Variants in TCTN1 observed in about 807,000 individuals in gnomAD.
TCTN1 encodes the protein tectonic family member 1.
In TCTN1, 58 loss-of-function variants were observed where a neutral mutation model predicts 65.8. The ratio of observed to expected loss-of-function variants is 0.88; its 90% CI spans 0.71 to 1.10. The LOEUF is 1.10. Among genes scored for constraint, TCTN1 ranks in the 50% least tolerant of loss-of-function variants. The probability of loss-of-function intolerance (pLI) is 0.00; values close to 1 mark genes in which losing one functional copy is unlikely to be tolerated. For missense variants in TCTN1, 645 were observed against 719.4 expected, an observed-to-expected ratio of 0.90 and a Z score of 1.18; for synonymous variants, 273 against 289.1, an observed-to-expected ratio of 0.94 and a Z score of 0.57.
chr12:110,642,212 C>G, intron 10 of TCTN1, 37 bp from the exon 11 acceptor site: 2 of 1,613,790 alleles, frequency 1.2e-6, no homozygotes, highest in East Asian at 2.2e-5. Flanking sequence ...CCAGGCTGCT[C>G]TAGCACTAGG....
At chr12:110,624,586 T>C (rs961754828) in intron 2 of TCTN1, among the ~76,000 whole-genome samples, 23 of 148,984 alleles carry the variant, frequency 1.5e-4, no homozygotes, top group Admixed American at 2.7e-4. Context: ...ATAACTTCTT[T>C]TTTTTTTTTT....
chr12:110,614,460 C>A, intron 1 of TCTN1, 58 bp downstream of exon 1: 1 of 1,555,472 alleles, frequency 6.4e-7, no homozygotes, highest in East Asian at 2.4e-5. Context: ...AGGGGACAGC[C>A]CCGGTGAGGA....
intron 1 of TCTN1, among the ~76,000 whole-genome samples, chr12:110,617,645 CTT>C (rs796301279): frequency 4.2e-5 from 6 of 142,420 alleles, no homozygotes; most frequent in Admixed American, 1.4e-4. Flanking sequence ...CTTTTTCTTT[CTT>C]TTTTTTTTTT....
intron 1 of TCTN1, among the ~76,000 whole-genome samples, chr12:110,618,136 G>A (rs2065174970): frequency 6.8e-6 from 1 of 146,916 alleles, no homozygotes. Flanking sequence ...GCAGTGGTGT[G>A]ATCTCAGTTT....
chr12:110,621,305 G>A (rs2065412888), intron 2 of TCTN1, among the ~76,000 whole-genome samples: 1 of 152,062 alleles, frequency 6.6e-6, no homozygotes, highest in Non-Finnish European at 1.5e-5. Context: ...GGGATTTTGA[G>A]CCTATTTCTA....
In TCTN1 at chr12:110,646,978, A is replaced by G. The variant is rs939360461; in HGVS notation, c.1495-218A>G. The stretch of plus-strand genomic sequence containing the variant: ...TGTCGGCATTTTTAGAAATAGGAGG[A>G]GATGGAAAAATTACGCTTCAGCTGT... On this transcript the variant is annotated intron_variant, in intron 12 of 14. Transcript: ENST00000397659. 25 of 564,900 alleles carry G rather than the reference A, an allele frequency of 4.4e-5. No individual in the cohort carries two copies. In the African/African-American group the frequency reaches 4.7e-4, roughly 11 times the overall value. The allele number at this position is 564,900 out of a possible 1,614,324, so 35.0% of individuals were successfully genotyped here.
intron 2 of TCTN1, among the ~76,000 whole-genome samples, chr12:110,624,941 G>C (rs966240450): frequency 6.7e-6 from 1 of 149,924 alleles, no homozygotes; most frequent in Non-Finnish European, 1.5e-5. Context: ...TGATCCACCC[G>C]CCTCGGCCTC....
intron 5 of TCTN1, 170 bp downstream of exon 5, chr12:110,632,729 TAA>T: frequency 1.5e-6 from 1 of 670,040 alleles, no homozygotes; most frequent in Admixed American, 2.2e-5. Flanking sequence ...GCCTCGTAAC[TAA>T]AAACAGAATC....
intron 13 of TCTN1, 146 bp from the exon 14 acceptor site, chr12:110,647,603 C>T: frequency 7.8e-7 from 1 of 1,280,858 alleles, no homozygotes; most frequent in Non-Finnish European, 1.1e-6. Context: ...TTCTCTCATC[C>T]AAGTTAATGG....
intron 9 of TCTN1, 137 bp from the exon 10 acceptor site, chr12:110,641,405 A>G: frequency 2.1e-6 from 2 of 946,292 alleles, no homozygotes; most frequent in Non-Finnish European, 3.3e-6. Context: ...AGATGTATTT[A>G]TAGTTCTGAG....
Position 110,649,294 on chromosome 12 carries a change from G to T in TCTN1, c.*253G>T. The T allele has an allele frequency of 1.3e-6, 1 of 781,188 alleles. No individual in the cohort carries two copies. The highest frequency in any genetic ancestry group is 2.2e-6 in the Non-Finnish European group (1 of 448,070). 48.4% of individuals were successfully genotyped at this position (781,188 alleles called of 1,614,324 possible). ...CCAGAATCCATGCTGGCAGGAGGGA[G>T]GCAGAGGTATCAAACCAAACCTCTC... On this transcript the variant is annotated 3_prime_UTR_variant, in exon 15 of 15. Coordinates refer to ENST00000397659, the MANE Select transcript of TCTN1 (RefSeq NM_001082538.3).
At chr12:110,635,053 G>T (rs1407726542) in intron 6 of TCTN1, among the ~76,000 whole-genome samples, 1 of 151,740 alleles carries the variant, frequency 6.6e-6, no homozygotes, top group Non-Finnish European at 1.5e-5. Context: ...AAATCTTTAC[G>T]AATAACTAAA....
At position 110,619,838 on chromosome 12, in the gene TCTN1, G is replaced by A. The variant is rs2065291807; in HGVS notation, c.223G>A (p.Ala75Thr). 1.3e-5 allele frequency: 21 copies of A among 1,614,132 alleles called. No homozygotes were observed. The highest frequency in any genetic ancestry group is 1.8e-5 in the Non-Finnish European group (21 of 1,180,030). Reference sequence around the variant, plus strand: ...TCCTACCCCTCTTTTTTCTGCAGTTGCTGTTCTCTGTGTCTGTGACTTATC... The same window carrying A: ...TCCTACCCCTCTTTTTTCTGCAGTTACTGTTCTCTGTGTCTGTGACTTATC... ...GPRPTPVTDVAVLCVCDLSPA... is the reference protein window; with the variant it reads ...GPRPTPVTDVTVLCVCDLSPA... Residue 75 changes from alanine (A) to threonine (T), a missense_variant and splice_region_variant, in exon 2 of 15, where the codon GCT becomes ACT. Coordinates refer to ENST00000397659, the MANE Select transcript of TCTN1 (RefSeq NM_001082538.3).
chr12:110,636,960 C>G (rs563629817), intron 7 of TCTN1, among the ~76,000 whole-genome samples: 55 of 152,356 alleles, frequency 3.6e-4, no homozygotes, highest in African/African-American at 1.2e-3. Flanking sequence ...GGGTTCTTTT[C>G]AAAGCCTTAT....
At chr12:110,648,176 G>T (rs2067501416) in intron 14 of TCTN1, among the ~76,000 whole-genome samples, 1 of 152,080 alleles carries the variant, frequency 6.6e-6, no homozygotes, top group Non-Finnish European at 1.5e-5. Context: ...TTGCTGTGTT[G>T]ACCAGGCTGG....
intron 2 of TCTN1, among the ~76,000 whole-genome samples, chr12:110,622,321 T>G (rs1593241015): frequency 6.6e-6 from 1 of 152,132 alleles, no homozygotes; most frequent in South Asian, 2.1e-4. Flanking sequence ...GTCTCAGCAG[T>G]CTTTCCTTTC....
intron 4 of TCTN1, 79 bp downstream of exon 4, chr12:110,628,997 A>G (rs769468868): frequency 6.4e-7 from 1 of 1,554,152 alleles, no homozygotes; most frequent in South Asian, 1.1e-5. Flanking sequence ...GGTTACCAGG[A>G]AAACTGGGTT....
chr12:110,628,961 A>T (rs1442124770), intron 4 of TCTN1, 43 bp downstream of exon 4: 1 of 1,609,826 alleles, frequency 6.2e-7, no homozygotes, highest in Non-Finnish European at 8.5e-7. Flanking sequence ...CATCACAAAT[A>T]TCTTTCCTTG....
chr12:110,635,109 A>C (rs2066472374), intron 6 of TCTN1, among the ~76,000 whole-genome samples: 1 of 152,204 alleles, frequency 6.6e-6, no homozygotes. Flanking sequence ...GACAGAAATA[A>C]TCTTATTAGC....
Sources: gnomAD v4.1 joint callset for allele counts (sites outside exome capture counted in the v4.1 genomes callset) on GRCh38, gnomAD v4.1.1 for gene constraint, MANE v1.5 for transcripts, NCBI Gene and HGNC (gene_info 2026-07-23, HGNC 2026-07-21) for gene names.